TMEM232: variants seen among roughly 807,000 people sequenced by gnomAD.
TMEM232 encodes the protein transmembrane protein 232.
Under a neutral mutation model 78.8 loss-of-function variants are expected in TMEM232, and 80 were observed. The ratio of observed to expected loss-of-function variants is 1.01; its 90% CI spans 0.85 to 1.22. The LOEUF (loss-of-function observed/expected upper bound fraction) is 1.22, where lower values mean the gene tolerates loss of function less well. Ranked by LOEUF, TMEM232 falls within the 50% of genes most tolerant of loss-of-function variation. The pLI is 0.00. For missense variants in TMEM232, 881 were observed against 742.2 expected, an observed-to-expected ratio of 1.19 and a Z score of -2.17; for synonymous variants, 297 against 254.3, an observed-to-expected ratio of 1.17 and a Z score of -1.60.
chr5:110,415,732 T>A (rs933025785), downstream of TMEM232, among the ~76,000 whole-genome samples: 2 of 152,096 alleles, frequency 1.3e-5, no homozygotes, highest in East Asian at 3.9e-4. Context: ...TTGTTCAGAT[T>A]TTCTATTTCT....
chr5:110,537,136 T>A (rs972198327), intron 11 of TMEM232, among the ~76,000 whole-genome samples: 1 of 152,070 alleles, frequency 6.6e-6, no homozygotes, highest in Admixed American at 6.6e-5. Flanking sequence ...TCCTCTCTTT[T>A]CCAGACCACT....
At position 110,620,388 on chromosome 5, in the gene TMEM232, T is replaced by C. The variant is rs115994090; in HGVS notation, c.769-1826A>G. ...TAAGCACAGATATAAACAAAGTCAC[T>C]CTGCCACCCACAAAATACATAATCA... is the stretch of plus-strand genomic sequence containing the variant. On this transcript the variant is annotated intron_variant, in intron 7 of 13. Coordinates refer to ENST00000455884, the MANE Select transcript of TMEM232 (RefSeq NM_001039763.4). 5.6e-3 allele frequency among the ~76,000 whole-genome samples: 853 copies of C among 152,234 alleles called. 8 individuals are homozygous for C. Among genetic ancestry groups the C allele is most frequent in the African/African-American group, 0.019 (808 of 41,538 alleles).
In TMEM232 at chr5:110,618,516, C is replaced by G; in HGVS notation, c.815G>C (p.Trp272Ser). 1.9e-6 allele frequency: 3 copies of G among 1,551,524 alleles called. No individual in the cohort carries two copies. The South Asian group carries it at 3.6e-5, about 18-fold the overall frequency. The change falls in exon 8 of 14, where the codon TGG becomes TCG. Residue 272 changes from tryptophan to serine, a missense_variant. Transcript: ENST00000455884. ...NHLLWHCVAAWSCVQNNSPQL... is the reference protein window; with the variant it reads ...NHLLWHCVAASSCVQNNSPQL... The stretch of plus-strand genomic sequence containing the variant: ...AGGACTGTTATTCTGAACACAAGAC[C>G]AAGCAGCAACACAGTGCCAGAGCAG...
At chr5:110,525,187 C>T (rs1032561186) in intron 12 of TMEM232, among the ~76,000 whole-genome samples, 1 of 150,204 alleles carries the variant, frequency 6.7e-6, no homozygotes, top group African/African-American at 2.4e-5. Flanking sequence ...AAAAGCCCAT[C>T]CTCACTATTT....
intron 12 of TMEM232, among the ~76,000 whole-genome samples, chr5:110,514,630 C>T (rs1044407461): frequency 6.6e-6 from 1 of 152,030 alleles, no homozygotes; most frequent in Non-Finnish European, 1.5e-5. Flanking sequence ...ATAAAATAAG[C>T]ATATTTCACA....
At chr5:110,434,537 G>A (rs551490722) in intron 12 of TMEM232, among the ~76,000 whole-genome samples, 1 of 151,922 alleles carries the variant, frequency 6.6e-6, no homozygotes. Context: ...GATATACAAA[G>A]AAACTGGTAC....
At chr5:110,433,594 G>A (rs1030009483) in intron 12 of TMEM232, among the ~76,000 whole-genome samples, 10 of 151,704 alleles carry the variant, frequency 6.6e-5, no homozygotes, top group African/African-American at 2.2e-4. Flanking sequence ...ATTCTGTTTA[G>A]GATTTATGTT....
At chr5:110,641,163 G>T (rs970801125) in intron 3 of TMEM232, among the ~76,000 whole-genome samples, 167 bp from the exon 4 acceptor site, 7 of 151,978 alleles carry the variant, frequency 4.6e-5, no homozygotes, top group Admixed American at 1.3e-4. Flanking sequence ...CAAATTTTTG[G>T]AGATTTTATG....
chr5:110,545,359 T>C (rs934037822), intron 11 of TMEM232, among the ~76,000 whole-genome samples: 2 of 152,070 alleles, frequency 1.3e-5, no homozygotes, highest in African/African-American at 4.8e-5. Context: ...ATATAACAGA[T>C]ACTTTGTACA....
At chr5:110,584,145 T>A (rs1778527759) in intron 10 of TMEM232, among the ~76,000 whole-genome samples, 1 of 152,022 alleles carries the variant, frequency 6.6e-6, no homozygotes, top group Non-Finnish European at 1.5e-5. Context: ...ATTCCACTTC[T>A]GGATATTGAT....
At chr5:110,483,302 C>T (rs1166253709) in intron 12 of TMEM232, among the ~76,000 whole-genome samples, 1 of 151,924 alleles carries the variant, frequency 6.6e-6, no homozygotes, top group Non-Finnish European at 1.5e-5. Flanking sequence ...TTAAAAAAAC[C>T]TTGAAAATGG....
chr5:110,446,434 T>C (rs180784027), intron 12 of TMEM232, among the ~76,000 whole-genome samples: 2 of 152,322 alleles, frequency 1.3e-5, no homozygotes, highest in Admixed American at 1.3e-4. Flanking sequence ...AATAGAATGG[T>C]GGCAGCGATT....
intron 2 of TMEM232, among the ~76,000 whole-genome samples, chr5:110,660,127 C>A (rs188115561): frequency 6.6e-6 from 1 of 151,978 alleles, no homozygotes; most frequent in African/African-American, 2.4e-5. Flanking sequence ...CACATCATAG[C>A]AAAACTGAAG....
At chr5:110,628,387 T>C (rs946715708) in intron 5 of TMEM232, among the ~76,000 whole-genome samples, 2 of 152,110 alleles carry the variant, frequency 1.3e-5, no homozygotes, top group African/African-American at 4.8e-5. Context: ...ACTATCCTAC[T>C]TCTGCATAGC....
At chr5:110,632,572 C>G (rs899881738) in intron 5 of TMEM232, among the ~76,000 whole-genome samples, 2 of 151,924 alleles carry the variant, frequency 1.3e-5, no homozygotes, top group Non-Finnish European at 2.9e-5. Flanking sequence ...AAGAACCAAA[C>G]AAAATCTGGA....
At chr5:110,636,553 TAGA>T (rs1439857215) in intron 5 of TMEM232, among the ~76,000 whole-genome samples, 2 of 151,922 alleles carry the variant, frequency 1.3e-5, no homozygotes, top group East Asian at 3.9e-4. Flanking sequence ...TATATATCAA[TAGA>T]AGAAAAAATA....
At chr5:110,600,922 A>G (rs1780802280) in intron 10 of TMEM232, among the ~76,000 whole-genome samples, 1 of 152,210 alleles carries the variant, frequency 6.6e-6, no homozygotes, top group Admixed American at 6.5e-5. Context: ...AAACACTAGC[A>G]AACCAAAGCT....
intron 5 of TMEM232, among the ~76,000 whole-genome samples, 195 bp downstream of exon 5, chr5:110,638,003 T>C (rs1179799521): frequency 6.6e-6 from 1 of 152,132 alleles, no homozygotes; most frequent in Admixed American, 6.6e-5. Context: ...TGACATTATA[T>C]TTTCTCAAAC....
rs201280045 is a variant in TMEM232 at position 110,627,869 on chromosome 5, C to A, written c.513G>T (p.Leu171Phe). The change falls in exon 6 of 14, where the codon TTG (leucine) becomes TTT (phenylalanine). Residue 171 changes from leucine (L) to phenylalanine (F), a missense_variant. Transcript: ENST00000455884. ...VEIKLAKIGY[L>F]VFLRLFIFFL... ...AAAATATAAAAAGTCGTAAGAAGAC[C>A]AAATAGCCAATCTGTCAAAAGAGAA... The A allele has an allele frequency of 6.6e-7, 1 of 1,525,002 alleles. No homozygotes were observed. The highest frequency in any genetic ancestry group is 1.4e-5 in the African/African-American group (1 of 71,294). The allele number at this position is 1,525,002 out of a possible 1,614,324, so 94.5% of individuals were successfully genotyped here.
Sources: allele counts gnomAD v4.1 joint callset (sites outside exome capture counted in the v4.1 genomes callset), GRCh38; gene constraint gnomAD v4.1.1; transcripts MANE v1.5; gene names NCBI Gene and HGNC (gene_info 2026-07-23, HGNC 2026-07-21).